Variants in ANGPTL3 observed in about 807,000 individuals in gnomAD.
ANGPTL3 encodes the protein angiopoietin like 3, also known as angiopoietin-related protein 3.
ANGPTL3 carries 51 observed loss-of-function variants against 52.7 expected under a neutral mutation model. The observed-to-expected ratio is 0.97, with a 90% CI of 0.77 to 1.22. The LOEUF is 1.22. Ranked by LOEUF, ANGPTL3 falls within the 50% of genes most tolerant of loss-of-function variation. The probability of loss-of-function intolerance (pLI) is 0.00; values close to 1 mark genes in which losing one functional copy is unlikely to be tolerated. For missense variants in ANGPTL3, 506 were observed against 520.7 expected, an observed-to-expected ratio of 0.97 and a Z score of 0.27; for synonymous variants, 185 against 179.8, an observed-to-expected ratio of 1.03 and a Z score of -0.23.
At chr1:62,598,852 G>A (rs779246554) in intron 2 of ANGPTL3, 46 bp downstream of exon 2, 9 of 1,144,014 alleles carry the variant, frequency 7.9e-6, no homozygotes, top group Admixed American at 1.7e-5. Context: ...ACACAGGTCT[G>A]TAAAAACACT....
intron 6 of ANGPTL3, 113 bp from the exon 7 acceptor site, chr1:62,604,520 C>A: frequency 9.0e-7 from 1 of 1,110,270 alleles, no homozygotes; most frequent in Non-Finnish European, 1.3e-6. Context: ...GGGATACATG[C>A]ATCTAAAACA....
At chr1:62,604,554 G>A in intron 6 of ANGPTL3, 79 bp from the exon 7 acceptor site, 1 of 1,430,222 alleles carries the variant, frequency 7.0e-7, no homozygotes, top group Non-Finnish European at 9.8e-7. Flanking sequence ...AAGAAAGGAA[G>A]ATAAACTTAC....
At chr1:62,601,305 T>C in intron 3 of ANGPTL3, 109 bp downstream of exon 3, 1 of 789,868 alleles carries the variant, frequency 1.3e-6, no homozygotes, top group Non-Finnish European at 2.2e-6. Context: ...TCAAATACAA[T>C]GTATCAACCT....
Position 62,604,203 on chromosome 1 carries a change from A to G in ANGPTL3, c.1166A>G (p.Lys389Arg). The change falls in exon 6 of 7, where the codon AAA (lysine) becomes AGA (arginine). Residue 389 changes from lysine (K) to arginine (R), a missense_variant. By Grantham distance (26) the Lys-to-Arg change is conservative. Coordinates refer to ENST00000371129, the MANE Select transcript of ANGPTL3 (RefSeq NM_014495.4). ...TTTTCTACTTGGGATCACAAAGCAA[A>G]AGGACACTTCAACTGTCCAGAGGGT... ...LVFSTWDHKA[K>R]GHFNCPEGYS... 2.5e-6 allele frequency: 4 copies of G among 1,613,382 alleles called. No homozygotes were observed. The highest frequency in any genetic ancestry group is 3.4e-6 in the Non-Finnish European group (4 of 1,179,436).
In ANGPTL3 at chr1:62,604,893, TA is replaced by T; in HGVS notation, c.*79del. 2.7e-6 allele frequency: 4 copies of T among 1,464,264 alleles called. No homozygotes were observed. The highest frequency in any genetic ancestry group is 4.1e-4 in the Middle Eastern group (2 of 4,838). 90.7% of individuals were successfully genotyped at this position (1,464,264 alleles called of 1,614,324 possible). Reference sequence around the variant, plus strand: ...TTAATGTGGTCTAATAATCTGGTATTAAATCCTTAAGAGAAAGCTTGAGAAA... The same window carrying T: ...TTAATGTGGTCTAATAATCTGGTATTAATCCTTAAGAGAAAGCTTGAGAAA... On this transcript the variant is annotated 3_prime_UTR_variant, in exon 7 of 7. Coordinates refer to ENST00000371129, the MANE Select transcript of ANGPTL3 (RefSeq NM_014495.4).
intron 1 of ANGPTL3, 146 bp from the exon 2 acceptor site, chr1:62,598,550 A>G: frequency 1.6e-6 from 1 of 620,544 alleles, no homozygotes; most frequent in Non-Finnish European, 2.9e-6. Flanking sequence ...TGCTATTTGA[A>G]AGAAGCATAC....
At chr1:62,603,824 G>A (rs1460144563) in intron 5 of ANGPTL3, 145 bp from the exon 6 acceptor site, 2 of 718,714 alleles carry the variant, frequency 2.8e-6, no homozygotes, top group African/African-American at 1.8e-5. Context: ...GTTTTAAAAG[G>A]TATTATTTTA....
chr1:62,602,475 G>T, intron 5 of ANGPTL3, 95 bp downstream of exon 5: 1 of 1,062,044 alleles, frequency 9.4e-7, no homozygotes. Flanking sequence ...AAGTAGTAAC[G>T]AACGAGAAGC....
chr1:62,604,947 T>A lies in ANGPTL3; in HGVS notation c.*130T>A. The A allele has an allele frequency of 1.1e-6, 1 of 918,600 alleles. No individual in the cohort carries two copies. Among genetic ancestry groups the A allele is most frequent in the East Asian group, 2.6e-5 (1 of 38,866 alleles). 56.9% of individuals were successfully genotyped at this position (918,600 alleles called of 1,614,324 possible). A position where few individuals can be genotyped will look rare whatever the true frequency, so the allele number is the denominator to read the frequency against. On this transcript the variant is annotated 3_prime_UTR_variant, in exon 7 of 7. Transcript: ENST00000371129. ...GATTTTTTTTATCTTAAAGTCACTG[T>A]CTATTTAAGATTAAACATACAATCA...
In ANGPTL3 at chr1:62,597,872, T is replaced by C. The variant is rs2149525897; in HGVS notation, c.306T>C (p.Thr102=). 1 of 1,590,926 alleles carries C rather than the reference T, an allele frequency of 6.3e-7. No homozygotes were observed. Among genetic ancestry groups the C allele is most frequent in the Non-Finnish European group, 8.5e-7 (1 of 1,171,046 alleles). ...IKEEEKELRR[T]TYKLQVKNEE... ...AAGAAGAAAAGGAACTGAGAAGAAC[T>C]ACATATAAACTACAAGTCAAAAATG... The change falls in exon 1 of 7, where the codon ACT becomes ACC. Residue 102 remains threonine, a synonymous_variant. Transcript: ENST00000371129.
chr1:62,602,141 A>G (rs1294936696), intron 4 of ANGPTL3, 144 bp from the exon 5 acceptor site: 1 of 719,380 alleles, frequency 1.4e-6, no homozygotes, highest in East Asian at 2.7e-5. Flanking sequence ...TTTTGGGACC[A>G]TAATAAATAA....
chr1:62,597,670 C>A lies in ANGPTL3; in HGVS notation c.104C>A (p.Ser35Ter). 6.2e-7 allele frequency: 1 copy of A among 1,613,484 alleles called. No homozygotes were observed. The highest frequency in any genetic ancestry group is 1.1e-5 in the South Asian group (1 of 91,056). Reference sequence around the variant, plus strand: ...GATTCTCTATCTCCAGAGCCAAAATCAAGATTTGCTATGTTAGACGATGTA... The same window carrying A: ...GATTCTCTATCTCCAGAGCCAAAATAAAGATTTGCTATGTTAGACGATGTA... ...SFDSLSPEPK[S>*]RFAMLDDVKI... The change falls in exon 1 of 7, where the codon TCA becomes TAA. Residue 35 changes from serine to a stop codon, truncating the protein, a stop_gained. Transcript: ENST00000371129. LOFTEE classifies it high-confidence loss of function.
intron 5 of ANGPTL3, 45 bp from the exon 6 acceptor site, chr1:62,603,924 A>G: frequency 6.3e-7 from 1 of 1,593,758 alleles, no homozygotes; most frequent in Non-Finnish European, 8.6e-7. Context: ...TCAGTGTCCA[A>G]CCTGTACTTA....
chr1:62,600,945 CTG>C (rs1202900370), intron 2 of ANGPTL3, 135 bp from the exon 3 acceptor site: 2 of 644,124 alleles, frequency 3.1e-6, no homozygotes, highest in Admixed American at 4.8e-5. Flanking sequence ...CTGAATAACA[CTG>C]TTTATCTAAA....
intron 2 of ANGPTL3, among the ~76,000 whole-genome samples, chr1:62,599,056 A>G (rs1219982779): frequency 1.3e-5 from 2 of 152,112 alleles, no homozygotes; most frequent in Non-Finnish European, 2.9e-5. Context: ...TACAAAGATA[A>G]TAACAGAACT....
In ANGPTL3 at chr1:62,604,932, A is replaced by G. The variant is rs1258939678; in HGVS notation, c.*115A>G. ...AAAGCTTGAGAAATAGATTTTTTTT[A>G]TCTTAAAGTCACTGTCTATTTAAGA... is the stretch of plus-strand genomic sequence containing the variant. On this transcript the variant is annotated 3_prime_UTR_variant, in exon 7 of 7. Coordinates refer to ENST00000371129, the MANE Select transcript of ANGPTL3 (RefSeq NM_014495.4). 14 of 1,094,980 alleles carry G rather than the reference A, an allele frequency of 1.3e-5. No homozygotes were observed. The highest frequency in any genetic ancestry group is 1.9e-5 in the Non-Finnish European group (14 of 738,960). The allele number at this position is 1,094,980 out of a possible 1,614,324, so 67.8% of individuals were successfully genotyped here. A position where few individuals can be genotyped will look rare whatever the true frequency, so the allele number is the denominator to read the frequency against.
In ANGPTL3 at chr1:62,604,694, A is replaced by T. The variant is rs768517342; in HGVS notation, c.1260A>T (p.Pro420=). 6.2e-7 allele frequency: 1 copy of T among 1,613,350 alleles called. No individual in the cohort carries two copies. Among genetic ancestry groups the T allele is most frequent in the South Asian group, 1.1e-5 (1 of 91,066 alleles). ...ENNLNGKYNK[P]RAKSKPERRR... ...ACCTAAATGGTAAATATAACAAACC[A>T]AGAGCAAAATCTAAGCCAGAGAGGA... Residue 420 remains proline (P), a synonymous_variant, in exon 7 of 7, where the codon CCA becomes CCT. Transcript: ENST00000371129.
rs369750417 is a variant in ANGPTL3, at chr1:62,598,714, G to C, written c.514G>C (p.Asp172His). Reference sequence around the variant, plus strand: ...TATCCAGACTTTTGTAGAAAAACAAGATAATAGCATCAAAGACCTTCTCCA... The same window carrying C: ...TATCCAGACTTTTGTAGAAAAACAACATAATAGCATCAAAGACCTTCTCCA... ...TSLKTFVEKQ[D>H]NSIKDLLQTV... Residue 172 changes from aspartate to histidine, a missense_variant, in exon 2 of 7, where the codon GAT becomes CAT. Asp to His is a moderately conservative substitution (Grantham distance 81). Transcript: ENST00000371129. 1.5e-5 allele frequency: 24 copies of C among 1,608,698 alleles called. No homozygotes were observed. Among genetic ancestry groups the C allele is most frequent in the Non-Finnish European group, 2.0e-5 (23 of 1,175,776 alleles).
intron 2 of ANGPTL3, 88 bp downstream of exon 2, chr1:62,598,894 G>A (rs1462667763): frequency 1.2e-6 from 1 of 811,878 alleles, no homozygotes; most frequent in East Asian, 2.7e-5. Context: ...GCTTTAACTG[G>A]ATCATGAGTA....
Sources: allele counts gnomAD v4.1 joint callset (sites outside exome capture counted in the v4.1 genomes callset), GRCh38; gene constraint gnomAD v4.1.1; transcripts MANE v1.5; gene names NCBI Gene and HGNC (gene_info 2026-07-23, HGNC 2026-07-21).